MYH15: variants seen among roughly 807,000 people sequenced by gnomAD.
MYH15 encodes myosin-15.
A neutral mutation model predicts 240.5 loss-of-function variants in MYH15; 227 were observed. The ratio of observed to expected loss-of-function variants is 0.94; its 90% CI spans 0.85 to 1.05. The LOEUF (loss-of-function observed/expected upper bound fraction) is 1.05, where lower values mean the gene tolerates loss of function less well. Among genes scored for constraint, MYH15 ranks in the 50% least tolerant of loss-of-function variants. The probability of loss-of-function intolerance (pLI) is 0.00; values close to 1 mark genes in which losing one functional copy is unlikely to be tolerated. For missense variants in MYH15, 2,217 were observed against 2,247.5 expected (o/e 0.99, Z 0.27); for synonymous variants, 785 against 796.7 (o/e 0.99, Z 0.25).
At chr3:108,544,174 C>G in the MYH15 span, among the ~76,000 whole-genome samples, 1 of 152,130 alleles carries the variant, frequency 6.6e-6, no homozygotes, top group Non-Finnish European at 1.5e-5. Context: ...CATGTTAAAA[C>G]AGAAAGTGCA....
intron 12 of MYH15, 29 bp downstream of exon 12, chr3:108,476,368 A>G: frequency 7.8e-7 from 1 of 1,286,670 alleles, no homozygotes; most frequent in South Asian, 1.2e-5. Context: ...AGATCATAGA[A>G]TAATAATGCT....
chr3:108,516,698 CCAGCTACG>C (rs2083575147), intron 1 of MYH15, among the ~76,000 whole-genome samples: 1 of 152,182 alleles, frequency 6.6e-6, no homozygotes. Context: ...CACCCCTTAA[CCAGCTACG>C]CTACCTGCAA....
In MYH15 at chr3:108,428,625, T is replaced by A. The variant is rs752727698; in HGVS notation, c.3569A>T (p.Asp1190Val). Reference sequence around the variant, plus strand: ...CTGGCCCTCGAGCTCAGCCAGGCTGTCTGCATGTCTCTTCTTCAAAGATGC... The same window carrying A: ...CTGGCCCTCGAGCTCAGCCAGGCTGACTGCATGTCTCTTCTTCAAAGATGC... ...TSASLKKRHADSLAELEGQVE... is the reference protein window; with the variant it reads ...TSASLKKRHAVSLAELEGQVE... Residue 1190 changes from aspartate to valine, a missense_variant, in exon 27 of 41, where the codon GAC becomes GTC. By Grantham distance (152) the Asp-to-Val change is radical. Transcript: ENST00000693548. 22 of 1,613,878 alleles carry A rather than the reference T, an allele frequency of 1.4e-5. No homozygotes were observed. In the African/African-American group the frequency reaches 2.4e-4, roughly 18 times the overall value.
chr3:108,455,838 C>T lies in MYH15; in HGVS notation c.2160G>A (p.Arg720=), dbSNP rs1576244165. ...FKQRYCILNP[R]TFPKSKFVSS... ...TCACAAACTTGCTCTTTGGAAAGGT[C>T]CTTGGATTCAGAATGCAGTACCTAA... Residue 720 remains arginine, a synonymous_variant, in exon 20 of 41, where the codon AGG becomes AGA. Coordinates refer to ENST00000693548, the MANE Select transcript of MYH15 (RefSeq NM_014981.3). The T allele has an allele frequency of 1.2e-6, 2 of 1,612,434 alleles. No homozygotes were observed. Among genetic ancestry groups the T allele is most frequent in the African/African-American group, 2.7e-5 (2 of 74,782 alleles).
chr3:108,423,802 C>G (rs2082705385), intron 27 of MYH15, among the ~76,000 whole-genome samples: 1 of 152,214 alleles, frequency 6.6e-6, no homozygotes, highest in Admixed American at 6.5e-5. Flanking sequence ...CACACACACA[C>G]AGAAAATGTC....
In MYH15 at chr3:108,492,988, C is replaced by T. The variant is rs369313362; in HGVS notation, c.775+126G>A. The T allele has an allele frequency of 1.2e-4, 84 of 672,960 alleles. 2 individuals carry two copies. Among genetic ancestry groups the T allele is most frequent in the South Asian group, 6.7e-4 (33 of 49,358 alleles). 41.7% of individuals were successfully genotyped at this position (672,960 alleles called of 1,614,324 possible). A position where few individuals can be genotyped will look rare whatever the true frequency, so the allele number is the denominator to read the frequency against. On this transcript the variant is annotated intron_variant, in intron 8 of 40. Coordinates refer to ENST00000693548, the MANE Select transcript of MYH15 (RefSeq NM_014981.3). The stretch of plus-strand genomic sequence containing the variant: ...AGAAGGAAGGAAGGGAGAAAAAGAA[C>T]GAGAGAGAGAGAAAAGGAAAGAAAG...
chr3:108,450,281 C>T (rs1560378435), intron 21 of MYH15, among the ~76,000 whole-genome samples: 1 of 151,736 alleles, frequency 6.6e-6, no homozygotes, highest in African/African-American at 2.4e-5. Flanking sequence ...TTTGCAATAG[C>T]CAAGATATGG....
chr3:108,476,480 A>G lies in MYH15; in HGVS notation c.1150T>C (p.Ser384Pro), dbSNP rs1474913116. 2 of 1,613,194 alleles carry G rather than the reference A, an allele frequency of 1.2e-6. No homozygotes were observed. The highest frequency in any genetic ancestry group is 1.7e-6 in the Non-Finnish European group (2 of 1,179,356). The change falls in exon 12 of 41, where the codon TCC (serine) becomes CCC (proline). Residue 384 changes from serine (S) to proline (P), a missense_variant. Physicochemically the swap from Ser to Pro is moderately conservative, Grantham distance 74. Transcript: ENST00000693548. The part of the protein sequence containing the change: ...DKAAFLMGIN[S>P]SELVKCLIHP... ...ATCAAGCACTTTACCAACTCAGAGGAGTTAATGCCCATGAGGAAAGCAGCT... is the reference window on the plus strand; with the variant it reads ...ATCAAGCACTTTACCAACTCAGAGGGGTTAATGCCCATGAGGAAAGCAGCT...
chr3:108,479,021 T>C (rs1398025647), intron 11 of MYH15, among the ~76,000 whole-genome samples: 2 of 152,170 alleles, frequency 1.3e-5, no homozygotes, highest in Non-Finnish European at 2.9e-5. Flanking sequence ...GTTCTCTGTT[T>C]TGGGGGGAAA....
chr3:108,454,236 A>T (rs961893857), intron 20 of MYH15, 94 bp from the exon 21 acceptor site: 4 of 1,125,798 alleles, frequency 3.6e-6, no homozygotes, highest in Non-Finnish European at 4.9e-6. Context: ...GTTCCTAGGG[A>T]TAACTGTATC....
rs1398623509 is a variant in MYH15, at chr3:108,477,700, C to G, written c.1115-1185G>C. ...ACACTTGCCAGCTATCTGTAAAACA[C>G]CCTTCCTTTCCCGGCAAGGTCTCTG... On this transcript the variant is annotated intron_variant, in intron 11 of 40. Coordinates refer to ENST00000693548, the MANE Select transcript of MYH15 (RefSeq NM_014981.3). Among the ~76,000 whole-genome samples, 3 of 152,270 alleles carry G rather than the reference C, an allele frequency of 2.0e-5. No individual in the cohort carries two copies. The East Asian group carries it at 5.8e-4, about 29-fold the overall frequency.
chr3:108,471,262 G>T (rs1480957799), intron 12 of MYH15, among the ~76,000 whole-genome samples: 1 of 152,100 alleles, frequency 6.6e-6, no homozygotes, highest in Non-Finnish European at 1.5e-5. Context: ...GTATGGTGTG[G>T]TGATGTGTCC....
chr3:108,388,003 C>A (rs2082396652), intron 38 of MYH15, among the ~76,000 whole-genome samples: 1 of 152,150 alleles, frequency 6.6e-6, no homozygotes, highest in Non-Finnish European at 1.5e-5. Flanking sequence ...TTGGCATTGT[C>A]AAAGAAGCTG....
chr3:108,534,422 C>T, the MYH15 span, among the ~76,000 whole-genome samples: 1 of 152,240 alleles, frequency 6.6e-6, no homozygotes, highest in South Asian at 2.1e-4. Flanking sequence ...TTTGGTCTTT[C>T]ATAAGTCGAA....
Position 108,437,544 on chromosome 3 carries a change from G to C in MYH15, c.3221+10C>G. 1 of 1,609,840 alleles carries C rather than the reference G, an allele frequency of 6.2e-7. No individual in the cohort carries two copies. Among genetic ancestry groups the C allele is most frequent in the South Asian group, 1.1e-5 (1 of 90,052 alleles). ...TCCAGCAATCTCATGTCAACAGAAA[G>C]GTGGCTTACTTCCTCAGCTCTTCTG... On this transcript the variant is annotated intron_variant, in intron 25 of 40. Transcript: ENST00000693548.
intron 27 of MYH15, among the ~76,000 whole-genome samples, chr3:108,427,018 C>G (rs1457920651): frequency 6.6e-6 from 1 of 152,174 alleles, no homozygotes; most frequent in Non-Finnish European, 1.5e-5. Context: ...TATGCTATGC[C>G]TGTTCCACTA....
intron 1 of MYH15, among the ~76,000 whole-genome samples, chr3:108,516,470 C>A (rs1376044131): frequency 6.6e-6 from 1 of 152,134 alleles, no homozygotes. Context: ...TGTCTTAAGG[C>A]AGTAAATGAA....
At chr3:108,391,672 G>C in intron 37 of MYH15, 88 bp downstream of exon 37, 1 of 1,366,416 alleles carries the variant, frequency 7.3e-7, no homozygotes, top group East Asian at 2.3e-5. Context: ...GGGTATGTGT[G>C]TTGGGGGGCA....
chr3:108,453,471 A>T (rs1427177871), intron 21 of MYH15, among the ~76,000 whole-genome samples: 1 of 152,226 alleles, frequency 6.6e-6, no homozygotes, highest in Non-Finnish European at 1.5e-5. Flanking sequence ...GCTTTTCATG[A>T]TTCTATTAAA....
Sources: allele counts gnomAD v4.1 joint callset (sites outside exome capture counted in the v4.1 genomes callset), GRCh38; gene constraint gnomAD v4.1.1; transcripts MANE v1.5; gene names NCBI Gene and HGNC (gene_info 2026-07-23, HGNC 2026-07-21).